CTNNA3: variants seen among roughly 807,000 people sequenced by gnomAD.
CTNNA3 encodes catenin alpha-3.
In CTNNA3, 76 loss-of-function variants were observed where a neutral mutation model predicts 95.7. The observed-to-expected ratio is 0.79, with a 90% CI of 0.66 to 0.96. The LOEUF is 0.96. CTNNA3 is among the 40% of genes least tolerant of loss of function. The pLI, the probability that CTNNA3 is intolerant of heterozygous loss-of-function variation, is 0.00. For missense variants in CTNNA3, 1,191 were observed against 1,089.8 expected, an observed-to-expected ratio of 1.09 and a Z score of -1.31; for synonymous variants, 431 against 374.4, an observed-to-expected ratio of 1.15 and a Z score of -1.74.
intron 16 of CTNNA3, among the ~76,000 whole-genome samples, chr10:65,987,209 TA>T (rs2078446892): frequency 6.6e-6 from 1 of 151,850 alleles, no homozygotes; most frequent in African/African-American, 2.4e-5. Context: ...TATATCAAAC[TA>T]AAAAGGTTTT....
Position 67,301,998 on chromosome 10 carries a change from A to C in CTNNA3, c.580-82128T>G, listed in dbSNP as rs868092064. 7.7e-4 allele frequency among the ~76,000 whole-genome samples: 59 copies of C among 77,054 alleles called. 7 individuals are homozygous for C. Among genetic ancestry groups the C allele is most frequent in the African/African-American group, 5.2e-3 (42 of 8,080 alleles). The allele number at this position is 77,054 out of a possible 152,430, so 50.6% of individuals were successfully genotyped here. The stretch of plus-strand genomic sequence containing the variant: ...AAAAAAGAAAGAAAGAAAGAACGAA[A>C]GAACGAAAGAAAGAAAGAAAGAAAG... On this transcript the variant is annotated intron_variant, in intron 5 of 17. Transcript: ENST00000433211.
At chr10:66,415,086 G>A (rs964946483) in intron 11 of CTNNA3, among the ~76,000 whole-genome samples, 3 of 152,110 alleles carry the variant, frequency 2.0e-5, no homozygotes, top group Admixed American at 6.5e-5. Context: ...CAGCAGGGCA[G>A]CTACTATAGC....
At chr10:67,533,935 A>G (rs1047646075) in intron 4 of CTNNA3, among the ~76,000 whole-genome samples, 2 of 152,206 alleles carry the variant, frequency 1.3e-5, no homozygotes, top group African/African-American at 2.4e-5. Flanking sequence ...AAGAAAAGTC[A>G]TAAGAAGGAA....
chr10:66,561,115 A>C (rs906069623), intron 10 of CTNNA3, among the ~76,000 whole-genome samples: 4 of 152,146 alleles, frequency 2.6e-5, no homozygotes, highest in African/African-American at 9.6e-5. Flanking sequence ...AGAAAAAGAA[A>C]ATACCAGTAA....
chr10:67,084,020 T>A (rs4745926), intron 7 of CTNNA3, among the ~76,000 whole-genome samples: 1 of 152,000 alleles, frequency 6.6e-6, no homozygotes, highest in African/African-American at 2.4e-5. Flanking sequence ...AGGAAGAGGT[T>A]CGTTGCTTTG....
chr10:66,256,562 A>G (rs1232913912), intron 13 of CTNNA3, among the ~76,000 whole-genome samples: 6 of 152,154 alleles, frequency 3.9e-5, no homozygotes, highest in African/African-American at 1.4e-4. Flanking sequence ...TCTACTAAAA[A>G]ATACAAAAAT....
chr10:66,401,856 G>A (rs574793288), intron 11 of CTNNA3, among the ~76,000 whole-genome samples: 91 of 151,642 alleles, frequency 6.0e-4, no homozygotes, highest in African/African-American at 2.1e-3. Flanking sequence ...ACGGGGTTTC[G>A]CCATGTTGGC....
chr10:67,637,140 T>G (rs939985219), intron 2 of CTNNA3, among the ~76,000 whole-genome samples: 5 of 152,114 alleles, frequency 3.3e-5, no homozygotes, highest in African/African-American at 9.7e-5. Flanking sequence ...AATGGCTAAC[T>G]AGAATACCCA....
chr10:66,350,310 C>T (rs536010165), intron 12 of CTNNA3, among the ~76,000 whole-genome samples: 3 of 152,212 alleles, frequency 2.0e-5, no homozygotes, highest in South Asian at 4.1e-4. Flanking sequence ...AGGAAGCTTG[C>T]TTTTTGCTGT....
At chr10:66,384,176 G>T (rs1292797267) in intron 11 of CTNNA3, among the ~76,000 whole-genome samples, 1 of 151,974 alleles carries the variant, frequency 6.6e-6, no homozygotes. Flanking sequence ...GTCAAAACCC[G>T]TAAGTGTGCT....
intron 7 of CTNNA3, among the ~76,000 whole-genome samples, chr10:67,065,165 A>G (rs958401680): frequency 3.9e-5 from 6 of 152,118 alleles, no homozygotes; most frequent in Non-Finnish European, 7.4e-5. Context: ...AACTGTATGT[A>G]TTTATTTTTT....
At chr10:67,721,314 C>G (rs1841178613) in intron 1 of CTNNA3, among the ~76,000 whole-genome samples, 1 of 152,068 alleles carries the variant, frequency 6.6e-6, no homozygotes, top group African/African-American at 2.4e-5. Context: ...TAGGTTTGGT[C>G]TTTTCACATG....
chr10:66,771,840 T>C (rs1186713714), intron 8 of CTNNA3, among the ~76,000 whole-genome samples: 1 of 152,044 alleles, frequency 6.6e-6, no homozygotes, highest in Non-Finnish European at 1.5e-5. Context: ...GAAAACTCAT[T>C]ACAAAAGAAA....
chr10:66,478,272 T>A (rs1839395122), intron 11 of CTNNA3, among the ~76,000 whole-genome samples: 1 of 152,042 alleles, frequency 6.6e-6, no homozygotes, highest in African/African-American at 2.4e-5. Flanking sequence ...GAGTGTCTAT[T>A]GGTAGTATGT....
chr10:66,878,927 A>G (rs1470785689), intron 7 of CTNNA3, among the ~76,000 whole-genome samples: 1 of 152,210 alleles, frequency 6.6e-6, no homozygotes, highest in African/African-American at 2.4e-5. Flanking sequence ...AGTGATATTT[A>G]TATTTTCTTA....
chr10:67,702,757 G>A (rs1478140554), intron 1 of CTNNA3, among the ~76,000 whole-genome samples: 1 of 151,956 alleles, frequency 6.6e-6, no homozygotes, highest in Non-Finnish European at 1.5e-5. Context: ...GCTAGCAGAA[G>A]GCAAGAAATA....
intron 13 of CTNNA3, among the ~76,000 whole-genome samples, chr10:66,214,408 T>A (rs1230691990): frequency 6.6e-6 from 1 of 152,192 alleles, no homozygotes; most frequent in Non-Finnish European, 1.5e-5. Flanking sequence ...GTTAAGTATA[T>A]TTTACTATGT....
chr10:67,097,462 C>A, intron 7 of CTNNA3: 1 of 750,894 alleles, frequency 1.3e-6, no homozygotes. Context: ...TATAGGGACA[C>A]CTGGGCCACA....
At chr10:67,676,391 T>C (rs1327225079) in intron 1 of CTNNA3, among the ~76,000 whole-genome samples, 1 of 152,200 alleles carries the variant, frequency 6.6e-6, no homozygotes, top group African/African-American at 2.4e-5. Flanking sequence ...TATGATGTCA[T>C]ATTTGTAAAA....
Sources: gnomAD v4.1 joint callset for allele counts (sites outside exome capture counted in the v4.1 genomes callset) on GRCh38, gnomAD v4.1.1 for gene constraint, MANE v1.5 for transcripts, NCBI Gene and HGNC (gene_info 2026-07-23, HGNC 2026-07-21) for gene names.